BTBD7: variants seen among roughly 807,000 people sequenced by gnomAD.
The protein encoded by BTBD7 is BTB domain containing 7.
A neutral mutation model predicts 99.9 loss-of-function variants in BTBD7; 38 were observed. That is an observed-to-expected ratio of 0.38 (90% CI 0.29 to 0.50). The LOEUF (loss-of-function observed/expected upper bound fraction) is 0.50, where lower values mean the gene tolerates loss of function less well. Ranked by LOEUF, BTBD7 falls within the 20% of genes least tolerant of loss-of-function variation. The pLI, the probability that BTBD7 is intolerant of heterozygous loss-of-function variation, is 0.93. For missense variants in BTBD7, 1,170 were observed against 1,394.6 expected, an observed-to-expected ratio of 0.84 and a Z score of 2.57; for synonymous variants, 520 against 511.4, an observed-to-expected ratio of 1.02 and a Z score of -0.23.
At chr14:93,280,231 C>A (rs1222772171) in intron 3 of BTBD7, among the ~76,000 whole-genome samples, 1 of 152,184 alleles carries the variant, frequency 6.6e-6, no homozygotes, top group Non-Finnish European at 1.5e-5. Context: ...TAATTAGATA[C>A]AAGCTCAGAT....
At chr14:93,296,186 C>A in intron 1 of BTBD7, 29 bp from the exon 2 acceptor site, 1 of 1,281,536 alleles carries the variant, frequency 7.8e-7, no homozygotes, top group East Asian at 3.0e-5. Flanking sequence ...TAATTTAATT[C>A]ATTTTTTCAA....
chr14:93,246,452 T>TTAG (rs1178689275), intron 9 of BTBD7, among the ~76,000 whole-genome samples, 166 bp from the exon 10 acceptor site: 2 of 152,204 alleles, frequency 1.3e-5, no homozygotes, highest in African/African-American at 4.8e-5. Context: ...AAAAATCACC[T>TTAG]TAGTTATAGT....
chr14:93,261,563 A>T, intron 5 of BTBD7, 39 bp downstream of exon 5: 1 of 1,477,690 alleles, frequency 6.8e-7, no homozygotes, highest in Non-Finnish European at 9.4e-7. Flanking sequence ...ACCAAATTTT[A>T]CACAAGGTAA....
chr14:93,272,108 G>C (rs549066133), intron 3 of BTBD7, among the ~76,000 whole-genome samples: 96 of 152,242 alleles, frequency 6.3e-4, no homozygotes, highest in Middle Eastern at 3.4e-3. Flanking sequence ...CACCAGGTCA[G>C]GAGTTTGAGA....
chr14:93,290,987 GTTTTTTTTTTTT>G (rs34246296), intron 3 of BTBD7, among the ~76,000 whole-genome samples: 7 of 76,760 alleles, frequency 9.1e-5, no homozygotes, highest in Admixed American at 1.6e-4. Context: ...GCTAGGCCTA[GTTTTTTTTTTTT>G]TTTTTTTTTT....
intron 9 of BTBD7, 120 bp downstream of exon 9, chr14:93,248,356 G>T: frequency 1.0e-6 from 1 of 1,003,020 alleles, no homozygotes; most frequent in Non-Finnish European, 1.4e-6. Context: ...GACACCAAAG[G>T]CAGTGAAAAA....
At chr14:93,257,031 GAC>G in intron 6 of BTBD7, 162 bp downstream of exon 6, 1 of 664,202 alleles carries the variant, frequency 1.5e-6, no homozygotes, top group Non-Finnish European at 2.5e-6. Flanking sequence ...TTATGTGGAA[GAC>G]ACAGGAGATA....
chr14:93,250,730 C>T (rs924927297), intron 8 of BTBD7, among the ~76,000 whole-genome samples: 18 of 152,198 alleles, frequency 1.2e-4, no homozygotes, highest in African/African-American at 1.2e-4. Context: ...GATGCTCAGA[C>T]GTTTTTGGAC....
chr14:93,297,906 A>ATTC (rs1566855751), intron 1 of BTBD7, among the ~76,000 whole-genome samples: 23 of 152,314 alleles, frequency 1.5e-4, no homozygotes, highest in South Asian at 6.2e-4. Flanking sequence ...ATGAGGGGGG[A>ATTC]AAAAGACTTT....
rs2052893977 is a variant in BTBD7 at position 93,294,188 on chromosome 14, T to C, written c.832A>G (p.Lys278Glu). 6.2e-7 allele frequency: 1 copy of C among 1,614,178 alleles called. No homozygotes were observed. Among genetic ancestry groups the C allele is most frequent in the Non-Finnish European group, 8.5e-7 (1 of 1,180,024 alleles). The part of the protein sequence containing the change: ...NCLDEELKAH[K>E]AVISARSPFF... ...GGGGACCGTGCAGAAATAACAGCCTTGTGGGCTTTGAGCTCTTCATCTAAA... is the reference window on the plus strand; with the variant it reads ...GGGGACCGTGCAGAAATAACAGCCTCGTGGGCTTTGAGCTCTTCATCTAAA... The change falls in exon 3 of 11, where the codon AAG becomes GAG. Residue 278 changes from lysine to glutamate, a missense_variant. By Grantham distance (56) the Lys-to-Glu change is moderately conservative. Transcript: ENST00000334746.
chr14:93,328,854 C>A (rs1050034970), intron 1 of BTBD7, among the ~76,000 whole-genome samples: 1 of 152,052 alleles, frequency 6.6e-6, no homozygotes, highest in Non-Finnish European at 1.5e-5. Flanking sequence ...GAGTTCAAGG[C>A]TACTGTGAGC....
At chr14:93,251,253 A>G (rs2052364540) in intron 8 of BTBD7, among the ~76,000 whole-genome samples, 1 of 152,256 alleles carries the variant, frequency 6.6e-6, no homozygotes, top group South Asian at 2.1e-4. Context: ...ACTCAAGGGT[A>G]AACTGATAAA....
intron 3 of BTBD7, among the ~76,000 whole-genome samples, chr14:93,277,234 T>G (rs929036353): frequency 6.6e-6 from 1 of 152,162 alleles, no homozygotes; most frequent in Non-Finnish European, 1.5e-5. Context: ...CTCAATTGAC[T>G]AGATTGATAT....
chr14:93,281,655 G>A (rs1595307811), intron 3 of BTBD7, among the ~76,000 whole-genome samples: 1 of 152,170 alleles, frequency 6.6e-6, no homozygotes, highest in Non-Finnish European at 1.5e-5. Context: ...GTTATATAGT[G>A]TGATGTTATT....
At chr14:93,287,080 T>A (rs1274255652) in intron 3 of BTBD7, among the ~76,000 whole-genome samples, 3 of 151,756 alleles carry the variant, frequency 2.0e-5, no homozygotes, top group Non-Finnish European at 4.4e-5. Context: ...ACACAAAAAA[T>A]TAGCCGGGCA....
At chr14:93,329,013 G>C (rs1159563605) in intron 1 of BTBD7, among the ~76,000 whole-genome samples, 4 of 152,092 alleles carry the variant, frequency 2.6e-5, no homozygotes, top group Admixed American at 6.6e-5. Flanking sequence ...AGCAACAAAA[G>C]AAAATCTAGG....
At chr14:93,332,764 G>T in intron 1 of BTBD7, 56 bp downstream of exon 1, 1 of 1,447,900 alleles carries the variant, frequency 6.9e-7, no homozygotes, top group Non-Finnish European at 9.1e-7. Context: ...GACGCCCCGC[G>T]CCACACCGGA....
chr14:93,327,704 C>G (rs1468322846), intron 1 of BTBD7, among the ~76,000 whole-genome samples: 1 of 152,126 alleles, frequency 6.6e-6, no homozygotes, highest in Non-Finnish European at 1.5e-5. Context: ...AACGTTTCCT[C>G]TAAGATCAGG....
At chr14:93,313,506 T>G (rs1161562560) in intron 1 of BTBD7, among the ~76,000 whole-genome samples, 2 of 152,174 alleles carry the variant, frequency 1.3e-5, no homozygotes, top group Non-Finnish European at 2.9e-5. Context: ...AAAAATGCAT[T>G]TTTAAAAGAA....
Sources: allele counts gnomAD v4.1 joint callset (sites outside exome capture counted in the v4.1 genomes callset), GRCh38; gene constraint gnomAD v4.1.1; transcripts MANE v1.5; gene names NCBI Gene and HGNC (gene_info 2026-07-23, HGNC 2026-07-21).